The following COL19A1 variants were observed in gnomAD, a reference collection of about 807,000 sequenced individuals.
COL19A1 encodes collagen alpha-1(XIX) chain.
Under a neutral mutation model 190.2 loss-of-function variants are expected in COL19A1, and 159 were observed. That is an observed-to-expected ratio of 0.84 (90% CI 0.73 to 0.95). The LOEUF is 0.95. Among genes scored for constraint, COL19A1 ranks in the 40% least tolerant of loss-of-function variants. The pLI, the probability that COL19A1 is intolerant of heterozygous loss-of-function variation, is 0.00. For missense variants in COL19A1, 1,418 were observed against 1,431.9 expected (o/e 0.99, Z 0.16); for synonymous variants, 509 against 458.9 (o/e 1.11, Z -1.39).
intron 11 of COL19A1, among the ~76,000 whole-genome samples, chr6:69,964,382 G>C (rs143987789): frequency 6.6e-6 from 1 of 152,040 alleles, no homozygotes; most frequent in Non-Finnish European, 1.5e-5. Context: ...CATTTGGAAG[G>C]CCATGTCTTT....
chr6:69,920,895 CAT>C (rs962469597), intron 4 of COL19A1, among the ~76,000 whole-genome samples: 6 of 136,630 alleles, frequency 4.4e-5, no homozygotes, highest in African/African-American at 8.2e-5. Flanking sequence ...AATTTCTAGT[CAT>C]ATATATATAT....
intron 18 of COL19A1, among the ~76,000 whole-genome samples, chr6:70,134,261 C>G (rs1785700565): frequency 6.6e-6 from 1 of 152,112 alleles, no homozygotes; most frequent in South Asian, 2.1e-4. Flanking sequence ...CCAACTTCTC[C>G]CTTGCCTTAC....
intron 9 of COL19A1, among the ~76,000 whole-genome samples, chr6:69,952,537 G>C (rs543013838): frequency 6.6e-6 from 1 of 151,810 alleles, no homozygotes; most frequent in Non-Finnish European, 1.5e-5. Flanking sequence ...ATATATTAAA[G>C]CACTTAAGAA....
intron 46 of COL19A1, 66 bp from the exon 47 acceptor site, chr6:70,188,009 C>A (rs1477786752): frequency 2.5e-6 from 4 of 1,576,816 alleles, no homozygotes; most frequent in Non-Finnish European, 3.4e-6. Context: ...GAATCCAGAA[C>A]TTTTGCTCTC....
At chr6:70,026,034 G>C (rs1778714701) in intron 12 of COL19A1, among the ~76,000 whole-genome samples, 1 of 146,318 alleles carries the variant, frequency 6.8e-6, no homozygotes, top group Admixed American at 6.7e-5. Flanking sequence ...AAGTATGTGG[G>C]CTCTCTGAGA....
chr6:70,156,782 CA>C, intron 34 of COL19A1, 59 bp downstream of exon 34: 1 of 1,386,660 alleles, frequency 7.2e-7, no homozygotes, highest in Non-Finnish European at 1.0e-6. Flanking sequence ...CGTGGCTCAA[CA>C]GAGTAAAAAT....
At chr6:70,120,532 C>A (rs531642262) in intron 16 of COL19A1, among the ~76,000 whole-genome samples, 3 of 152,266 alleles carry the variant, frequency 2.0e-5, no homozygotes, top group South Asian at 2.1e-4. Context: ...CTCTAACTGA[C>A]CTAGAATTCT....
At chr6:69,890,998 A>G in intron 2 of COL19A1, 1 of 323,070 alleles carries the variant, frequency 3.1e-6, no homozygotes, top group South Asian at 2.9e-5. Context: ...AGGCCTATCT[A>G]AGGGTTCCTA....
chr6:70,140,998 A>C lies in COL19A1; in HGVS notation c.1482+9A>C. The C allele has an allele frequency of 6.2e-7, 1 of 1,607,222 alleles. No individual in the cohort carries two copies. Among genetic ancestry groups the C allele is most frequent in the Non-Finnish European group, 8.5e-7 (1 of 1,175,104 alleles). On this transcript the variant is annotated intron_variant, in intron 20 of 50. Transcript: ENST00000620364. ...GAGAAAAAGGAGATAGAGTAAGTAG[A>C]TATTTTATCACTACCTTGGGTTTTC... is the stretch of plus-strand genomic sequence containing the variant.
chr6:70,128,863 T>C (rs1044233970), intron 17 of COL19A1, among the ~76,000 whole-genome samples: 4 of 152,214 alleles, frequency 2.6e-5, no homozygotes, highest in Non-Finnish European at 5.9e-5. Flanking sequence ...GTTTACAACT[T>C]GGCACAAGGC....
intron 15 of COL19A1, among the ~76,000 whole-genome samples, chr6:70,097,125 T>G (rs146453521): frequency 0.018 from 2,799 of 152,194 alleles, 43 homozygotes; most frequent in Non-Finnish European, 0.028. Flanking sequence ...TTTTTAGTAC[T>G]CCTAAGAGGG....
At chr6:70,070,155 C>T (rs1781461324) in intron 15 of COL19A1, among the ~76,000 whole-genome samples, 1 of 152,088 alleles carries the variant, frequency 6.6e-6, no homozygotes, top group African/African-American at 2.4e-5. Context: ...TTGTTAGATA[C>T]TGGGTGAACT....
At chr6:70,022,335 C>T (rs1232246073) in intron 11 of COL19A1, among the ~76,000 whole-genome samples, 3 of 151,138 alleles carry the variant, frequency 2.0e-5, no homozygotes, top group South Asian at 2.1e-4. Flanking sequence ...ACAGCTAATA[C>T]GTATTTATCA....
chr6:70,170,603 G>T (rs1765443246), intron 40 of COL19A1, among the ~76,000 whole-genome samples: 1 of 152,114 alleles, frequency 6.6e-6, no homozygotes, highest in South Asian at 2.1e-4. Flanking sequence ...CTTAAGGACT[G>T]TTGAGAATGT....
At chr6:69,874,998 A>T (rs1233224824) in intron 1 of COL19A1, among the ~76,000 whole-genome samples, 1 of 152,220 alleles carries the variant, frequency 6.6e-6, no homozygotes, top group African/African-American at 2.4e-5. Flanking sequence ...GGCACCTAGG[A>T]TACAGTGATG....
At chr6:70,115,831 T>TG (rs1562188457) in intron 16 of COL19A1, among the ~76,000 whole-genome samples, 1 of 140,904 alleles carries the variant, frequency 7.1e-6, no homozygotes, top group African/African-American at 2.6e-5. Context: ...TTTTGTTTTT[T>TG]TTTTTTTTTT....
chr6:69,885,084 G>A (rs1454561301), intron 2 of COL19A1, among the ~76,000 whole-genome samples: 9 of 152,146 alleles, frequency 5.9e-5, no homozygotes, highest in African/African-American at 9.6e-5. Flanking sequence ...GGCTGGTCTC[G>A]AACTCCTGAC....
At chr6:69,956,375 A>T (rs1318454139) in intron 9 of COL19A1, among the ~76,000 whole-genome samples, 1 of 152,004 alleles carries the variant, frequency 6.6e-6, no homozygotes, top group African/African-American at 2.4e-5. Flanking sequence ...GAGATTTTAA[A>T]TTCTTTGCTA....
At position 70,207,322 on chromosome 6, in the gene COL19A1, G is replaced by A. The variant is rs1767950037; in HGVS notation, c.*48G>A. The A allele has an allele frequency of 1.3e-6, 2 of 1,570,448 alleles. No individual in the cohort carries two copies. The highest frequency in any genetic ancestry group is 1.7e-6 in the Non-Finnish European group (2 of 1,155,270). ...TCCTGGTAACATTTCCTTGCCACTGGAGCTCTCTTAATACCGTCAAACCCT... is the reference window on the plus strand; with the variant it reads ...TCCTGGTAACATTTCCTTGCCACTGAAGCTCTCTTAATACCGTCAAACCCT... On this transcript the variant is annotated 3_prime_UTR_variant, in exon 51 of 51. Transcript: ENST00000620364.
Sources: gnomAD v4.1 joint callset for allele counts (sites outside exome capture counted in the v4.1 genomes callset) on GRCh38, gnomAD v4.1.1 for gene constraint, MANE v1.5 for transcripts, NCBI Gene and HGNC (gene_info 2026-07-23, HGNC 2026-07-21) for gene names.